Variants in GSR observed in about 807,000 individuals in gnomAD.
The protein encoded by GSR is glutathione-disulfide reductase.
Under a neutral mutation model 56.5 loss-of-function variants are expected in GSR, and 48 were observed. The ratio of observed to expected loss-of-function variants is 0.85; its 90% CI spans 0.67 to 1.08. GSR has a LOEUF of 1.08. GSR is among the 50% of genes least tolerant of loss of function. The pLI is 0.00. For missense variants in GSR, 694 were observed against 703.3 expected, an observed-to-expected ratio of 0.99 and a Z score of 0.15; for synonymous variants, 264 against 270.8, an observed-to-expected ratio of 0.97 and a Z score of 0.25.
At chr8:30,706,607 G>A (rs1803930403) in intron 4 of GSR, among the ~76,000 whole-genome samples, 1 of 152,272 alleles carries the variant, frequency 6.6e-6, no homozygotes, top group South Asian at 2.1e-4. Flanking sequence ...ATATTGTCAA[G>A]GAAAAGGAGA....
intron 6 of GSR, among the ~76,000 whole-genome samples, chr8:30,699,076 AG>A (rs1398436772): frequency 1.3e-5 from 2 of 152,160 alleles, no homozygotes; most frequent in Non-Finnish European, 2.9e-5. Context: ...GCTTGAGGCC[AG>A]GAATTCTAGA....
intron 6 of GSR, among the ~76,000 whole-genome samples, chr8:30,698,960 A>T (rs938287088): frequency 2.6e-5 from 4 of 152,148 alleles, no homozygotes; most frequent in African/African-American, 9.7e-5. Context: ...AATCAGAGAA[A>T]CAAACTTCCT....
intron 1 of GSR, among the ~76,000 whole-genome samples, chr8:30,719,273 AATTT>A (rs1563545346): frequency 2.0e-4 from 30 of 149,938 alleles, no homozygotes; most frequent in East Asian, 7.9e-4. Flanking sequence ...CACCTGGATA[AATTT>A]TTTTTTTTTT....
chr8:30,723,096 C>G (rs1456768374), intron 1 of GSR, among the ~76,000 whole-genome samples: 1 of 152,176 alleles, frequency 6.6e-6, no homozygotes, highest in Non-Finnish European at 1.5e-5. Context: ...TCAGTACACT[C>G]AGCAGGAACC....
rs1254555948 is a variant in GSR at position 30,727,752 on chromosome 8, C to T, written c.84G>A (p.Leu28=). The T allele has an allele frequency of 1.9e-5, 26 of 1,391,036 alleles. No individual in the cohort carries two copies. Among genetic ancestry groups the T allele is most frequent in the South Asian group, 7.8e-5 (5 of 63,902 alleles). 86.2% of individuals were successfully genotyped at this position (1,391,036 alleles called of 1,614,324 possible). The change falls in exon 1 of 13, where the codon CTG becomes CTA. Residue 28 remains leucine, a synonymous_variant. Transcript: ENST00000221130. ...RAARAFRGFL[L]LLPEPAALTR... ...TGAGGGCCGCGGGCTCGGGCAGAAG[C>T]AGCAGGAAGCCTCGGAAGGCGCGCG...
At chr8:30,702,604 T>G (rs1803780768) in intron 5 of GSR, among the ~76,000 whole-genome samples, 1 of 152,162 alleles carries the variant, frequency 6.6e-6, no homozygotes, top group Non-Finnish European at 1.5e-5. Flanking sequence ...CTTTCATTGA[T>G]TTCTCTCCCT....
chr8:30,700,001 T>C, intron 6 of GSR, 80 bp downstream of exon 6: 2 of 981,202 alleles, frequency 2.0e-6, no homozygotes, highest in East Asian at 2.4e-5. Flanking sequence ...CATTAAATGC[T>C]TGGGAGGAGA....
Position 30,703,228 on chromosome 8 carries a change from T to C in GSR, c.505A>G (p.Ile169Val). 1 of 1,614,102 alleles carries C rather than the reference T, an allele frequency of 6.2e-7. No individual in the cohort carries two copies. The highest frequency in any genetic ancestry group is 1.7e-5 in the Admixed American group (1 of 60,008). The part of the protein sequence containing the change: ...QNNLTKSHIE[I>V]IRGHAAFTSD... The stretch of plus-strand genomic sequence containing the variant: ...GTGAAGGCTGCATGGCCACGGATGA[T>C]TTCTATATGGGACTAAAGAAGGAAC... The change falls in exon 5 of 13, where the codon ATC (isoleucine) becomes GTC (valine). Residue 169 changes from isoleucine to valine, a missense_variant. Transcript: ENST00000221130.
At chr8:30,722,077 C>T (rs1804559217) in intron 1 of GSR, among the ~76,000 whole-genome samples, 1 of 151,900 alleles carries the variant, frequency 6.6e-6, no homozygotes, top group African/African-American at 2.4e-5. Flanking sequence ...GAAATAGACA[C>T]CCTGAAGGAT....
chr8:30,723,696 G>A (rs1374648340), intron 1 of GSR, among the ~76,000 whole-genome samples: 1 of 151,758 alleles, frequency 6.6e-6, no homozygotes, highest in Non-Finnish European at 1.5e-5. Flanking sequence ...CGAGGCTGAG[G>A]CACATGAATT....
At chr8:30,687,126 G>A (rs1803189943) in intron 9 of GSR, among the ~76,000 whole-genome samples, 2 of 151,768 alleles carry the variant, frequency 1.3e-5, no homozygotes, top group Non-Finnish European at 2.9e-5. Flanking sequence ...TGTGAGCCAC[G>A]GCGCCTGGCT....
intron 7 of GSR, among the ~76,000 whole-genome samples, chr8:30,695,896 TG>T (rs1803528047): frequency 6.6e-6 from 1 of 151,788 alleles, no homozygotes. Flanking sequence ...AAAAATTAGT[TG>T]GGCATGGTGG....
intron 10 of GSR, among the ~76,000 whole-genome samples, chr8:30,682,985 G>A (rs1488065286): frequency 5.3e-5 from 8 of 151,848 alleles, no homozygotes; most frequent in African/African-American, 1.5e-4. Context: ...GTGCCACCAC[G>A]CCCAGCTAAT....
intron 1 of GSR, among the ~76,000 whole-genome samples, chr8:30,721,246 G>A (rs1291842280): frequency 6.6e-6 from 1 of 152,178 alleles, no homozygotes; most frequent in Non-Finnish European, 1.5e-5. Flanking sequence ...AAAGGACCTA[G>A]GACCTCCACA....
chr8:30,681,958 G>A lies in GSR; in HGVS notation c.1257C>T (p.Pro419=). ...CCGTGAGTCCCACTGTCCCAATAGG[G>A]GGGTGGCTGAAGACCACAGTTGGGA... ...NNIPTVVFSH[P]PIGTVGLTED... The change falls in exon 11 of 13, where the codon CCC becomes CCT. Residue 419 remains proline (P), a synonymous_variant. Transcript: ENST00000221130. The A allele has an allele frequency of 4.3e-6, 7 of 1,613,610 alleles. No individual in the cohort carries two copies. The highest frequency in any genetic ancestry group is 5.9e-6 in the Non-Finnish European group (7 of 1,179,532).
chr8:30,716,973 T>G (rs8190912), intron 1 of GSR, among the ~76,000 whole-genome samples: 8 of 150,866 alleles, frequency 5.3e-5, no homozygotes, highest in African/African-American at 1.5e-4. Context: ...CATGGTGGCT[T>G]ATGCCTGTAA....
intron 1 of GSR, among the ~76,000 whole-genome samples, chr8:30,714,357 T>C (rs1363377341): frequency 6.6e-6 from 1 of 151,914 alleles, no homozygotes; most frequent in Non-Finnish European, 1.5e-5. Context: ...ACCACAGGCG[T>C]TCACCGCCAT....
intron 1 of GSR, 118 bp downstream of exon 1, chr8:30,727,412 G>T: frequency 2.0e-6 from 2 of 1,007,078 alleles, no homozygotes; most frequent in Non-Finnish European, 2.9e-6. Flanking sequence ...TTGCGGGGGT[G>T]GAAAAGAGGA....
intron 6 of GSR, among the ~76,000 whole-genome samples, chr8:30,697,163 C>G (rs1803572601): frequency 6.6e-6 from 1 of 152,082 alleles, no homozygotes; most frequent in Admixed American, 6.6e-5. Flanking sequence ...TGCCCATAAT[C>G]CTAGCACTTT....
Sources: allele counts gnomAD v4.1 joint callset (sites outside exome capture counted in the v4.1 genomes callset), GRCh38; gene constraint gnomAD v4.1.1; transcripts MANE v1.5; gene names NCBI Gene and HGNC (gene_info 2026-07-23, HGNC 2026-07-21).